IPPK: variants seen among roughly 807,000 people sequenced by gnomAD.
IPPK encodes inositol-pentakisphosphate 2-kinase, also known as IPK1 homolog.
A neutral mutation model predicts 64.6 loss-of-function variants in IPPK; 22 were observed. The observed-to-expected ratio is 0.34, with a 90% CI of 0.24 to 0.49. The LOEUF is 0.49. Among genes scored for constraint, IPPK ranks in the 20% least tolerant of loss-of-function variants. The probability of loss-of-function intolerance (pLI) is 0.99; values close to 1 mark genes in which losing one functional copy is unlikely to be tolerated. For missense variants in IPPK, 532 were observed against 630.7 expected (o/e 0.84, Z 1.68); for synonymous variants, 262 against 247.2 (o/e 1.06, Z -0.56).
In IPPK at chr9:92,615,153, CA is replaced by C. The variant is rs1414586261; in HGVS notation, c.*678del. 145 of 142,510 alleles carry C rather than the reference CA, an allele frequency of 1.0e-3. No individual in the cohort carries two copies. The highest frequency in any genetic ancestry group is 3.6e-3 in the Middle Eastern group (1 of 274). The allele number at this position is 142,510 out of a possible 1,614,324, so 8.8% of individuals were successfully genotyped here. ...TCATGTGAAAGATTAAATTGTAAAGCAAAAAAAAAAAGGTCAATGCTCGCAT... is the reference window on the plus strand; with the variant it reads ...TCATGTGAAAGATTAAATTGTAAAGCAAAAAAAAAAGGTCAATGCTCGCAT... On this transcript the variant is annotated 3_prime_UTR_variant, in exon 13 of 13. Coordinates refer to ENST00000287996, the MANE Select transcript of IPPK (RefSeq NM_022755.6).
At chr9:92,664,309 C>T (rs1265873561) in intron 1 of IPPK, among the ~76,000 whole-genome samples, 2 of 152,242 alleles carry the variant, frequency 1.3e-5, no homozygotes, top group East Asian at 1.9e-4. Context: ...GCACATTTGA[C>T]ACCGGATGAA....
In IPPK at chr9:92,631,787, G is replaced by A. The variant is rs981472480; in HGVS notation, c.1170+2599C>T. ...TACATATATGCGAGTGTGTATGAGA[G>A]TGTGTGTGTGATCACACGTAGGTTC... On this transcript the variant is annotated intron_variant, in intron 11 of 12. Coordinates refer to ENST00000287996, the MANE Select transcript of IPPK (RefSeq NM_022755.6). Among the ~76,000 whole-genome samples the A allele has an allele frequency of 2.0e-5, 3 of 152,148 alleles. No individual in the cohort carries two copies. The South Asian group carries it at 6.2e-4, about 32-fold the overall frequency.
At chr9:92,640,529 A>T (rs994999462) in intron 8 of IPPK, among the ~76,000 whole-genome samples, 181 bp downstream of exon 8, 1 of 152,136 alleles carries the variant, frequency 6.6e-6, no homozygotes, top group Non-Finnish European at 1.5e-5. Context: ...AAGGTCAGGG[A>T]AAGACAGGTC....
intron 11 of IPPK, among the ~76,000 whole-genome samples, chr9:92,629,123 CTGAAATCACATACAAAATTAACTCAGAA>C (rs1453277797): frequency 1.3e-5 from 2 of 152,068 alleles, no homozygotes; most frequent in East Asian, 3.9e-4. Flanking sequence ...GGACCTCTAC[CTGAAATCACATACAAAATTAACTCAGAA>C]TGGATCAAAC....
intron 1 of IPPK, among the ~76,000 whole-genome samples, chr9:92,661,058 T>C (rs747647507): frequency 2.6e-5 from 4 of 152,162 alleles, no homozygotes; most frequent in Non-Finnish European, 5.9e-5. Flanking sequence ...ATAATTATTA[T>C]TGCAATAGCC....
At chr9:92,619,975 G>C (rs1851575378) in intron 11 of IPPK, 1 of 211,888 alleles carries the variant, frequency 4.7e-6, no homozygotes, top group Non-Finnish European at 1.0e-5. Context: ...GAGAGCGCAG[G>C]GGGTGTTCAG....
At chr9:92,621,375 T>C (rs946779768) in intron 11 of IPPK, among the ~76,000 whole-genome samples, 3 of 152,008 alleles carry the variant, frequency 2.0e-5, no homozygotes, top group Non-Finnish European at 4.4e-5. Flanking sequence ...TCTGAAAACA[T>C]AGATAAAACA....
At chr9:92,640,235 C>T (rs938613198) in intron 8 of IPPK, among the ~76,000 whole-genome samples, 3 of 152,148 alleles carry the variant, frequency 2.0e-5, no homozygotes, top group African/African-American at 4.8e-5. Context: ...CTGCCCTGCC[C>T]TACATCTCAT....
At chr9:92,630,784 T>A (rs544069837) in intron 11 of IPPK, among the ~76,000 whole-genome samples, 1 of 152,134 alleles carries the variant, frequency 6.6e-6, no homozygotes, top group South Asian at 2.1e-4. Context: ...GAGTATGAAA[T>A]AACTGATTAG....
chr9:92,628,055 G>A (rs548556571), intron 11 of IPPK, among the ~76,000 whole-genome samples: 115 of 152,248 alleles, frequency 7.6e-4, no homozygotes, highest in Non-Finnish European at 1.3e-3. Flanking sequence ...CACTTGTAAT[G>A]AGCAATCTGA....
intron 11 of IPPK, chr9:92,620,363 G>C (rs1051670627): frequency 2.6e-5 from 4 of 152,326 alleles, no homozygotes; most frequent in African/African-American, 9.6e-5. Context: ...GACGCGGGCA[G>C]GGAGAAAGGT....
rs1564024192 is a variant in IPPK at position 92,615,715 on chromosome 9, A to T, written c.*117T>A. 1.3e-6 allele frequency: 1 copy of T among 765,234 alleles called. No individual in the cohort carries two copies. The highest frequency in any genetic ancestry group is 2.7e-5 in the East Asian group (1 of 37,566). 47.4% of individuals were successfully genotyped at this position (765,234 alleles called of 1,614,324 possible). On this transcript the variant is annotated 3_prime_UTR_variant, in exon 13 of 13. Transcript: ENST00000287996. ...TGTCTCCAAGAGGCAATCCCACCTC[A>T]AAAGGGGTTAAAAGCAAAAACATTC...
In IPPK at chr9:92,649,434, C is replaced by G. The variant is rs766372470; in HGVS notation, c.414+19G>C. ...GACCTTTCCCCTTTACCCACACCATCTGCCCCTCGACAGGTCACCTTAATC... is the reference window on the plus strand; with the variant it reads ...GACCTTTCCCCTTTACCCACACCATGTGCCCCTCGACAGGTCACCTTAATC... On this transcript the variant is annotated intron_variant, in intron 5 of 12. Transcript: ENST00000287996. The G allele has an allele frequency of 1.2e-6, 2 of 1,613,826 alleles. No individual in the cohort carries two copies. The highest frequency in any genetic ancestry group is 8.5e-7 in the Non-Finnish European group (1 of 1,179,850).
chr9:92,654,102 G>A (rs1387940376), intron 3 of IPPK, among the ~76,000 whole-genome samples: 5 of 152,160 alleles, frequency 3.3e-5, no homozygotes, highest in African/African-American at 4.8e-5. Context: ...CCTCCACACC[G>A]CTGTCTGCCC....
chr9:92,637,585 C>T (rs1851964996), intron 9 of IPPK, among the ~76,000 whole-genome samples: 1 of 152,190 alleles, frequency 6.6e-6, no homozygotes, highest in Non-Finnish European at 1.5e-5. Context: ...TGAAGACATC[C>T]CATTGTGGTA....
intron 11 of IPPK, among the ~76,000 whole-genome samples, chr9:92,622,052 G>A (rs1041087789): frequency 8.6e-5 from 13 of 152,030 alleles, no homozygotes; most frequent in African/African-American, 2.7e-4. Context: ...AATTAACCAC[G>A]TTAACAGAAA....
Position 92,635,253 on chromosome 9 carries a change from G to A in IPPK, c.972C>T (p.Thr324=). Residue 324 remains threonine, a synonymous_variant, in exon 10 of 13, where the codon ACC becomes ACT. Transcript: ENST00000287996. The surrounding 1 kb of genome is among the most constrained non-coding windows in gnomAD (Gnocchi z 4.4). ...GCAGGTCCAACATCTGCACCTGGAG[G>A]GTTTTGTACAGAAGACAGCCCTTCG... ...GLPKGCLLYK[T]LQVQMLDLLD... The A allele has an allele frequency of 6.2e-7, 1 of 1,614,206 alleles. No homozygotes were observed. The highest frequency in any genetic ancestry group is 2.2e-5 in the East Asian group (1 of 44,884).
At chr9:92,642,385 T>C (rs1195815243) in intron 7 of IPPK, among the ~76,000 whole-genome samples, 1 of 152,252 alleles carries the variant, frequency 6.6e-6, no homozygotes, top group Admixed American at 6.5e-5. Flanking sequence ...CAGCAGACTT[T>C]TTAATATCCA....
At chr9:92,653,184 C>G (rs118007092) in intron 3 of IPPK, among the ~76,000 whole-genome samples, 5,811 of 152,334 alleles carry the variant, frequency 0.038, 153 homozygotes, top group Middle Eastern at 0.075. Context: ...CCACATGGCT[C>G]TTCTGTGCAG....
Sources: allele counts gnomAD v4.1 joint callset (sites outside exome capture counted in the v4.1 genomes callset), GRCh38; gene constraint gnomAD v4.1.1; non-coding constraint Gnocchi (gnomAD v3.1); transcripts MANE v1.5; gene names NCBI Gene and HGNC (gene_info 2026-07-23, HGNC 2026-07-21).